Variants in KANSL3 observed in about 807,000 individuals in gnomAD.
KANSL3 encodes KAT8 regulatory NSL complex subunit 3.
Under a neutral mutation model 89.2 loss-of-function variants are expected in KANSL3, and 16 were observed. That is an observed-to-expected ratio of 0.18 (90% CI 0.12 to 0.27). KANSL3 has a LOEUF of 0.27. KANSL3 is among the 10% of genes least tolerant of loss of function. The pLI, the probability that KANSL3 is intolerant of heterozygous loss-of-function variation, is 1.00. For missense variants in KANSL3, 879 were observed against 1,110.6 expected (o/e 0.79, Z 2.96); for synonymous variants, 385 against 419.7 (o/e 0.92, Z 1.01).
chr2:96,617,794 G>A (rs1049483691), intron 5 of KANSL3, among the ~76,000 whole-genome samples: 1 of 151,700 alleles, frequency 6.6e-6, no homozygotes, highest in African/African-American at 2.4e-5. Flanking sequence ...TCAGGAGATC[G>A]AGACATGGTG....
At chr2:96,615,558 A>G (rs1197859401) in intron 5 of KANSL3, 1 of 1,269,470 alleles carries the variant, frequency 7.9e-7, no homozygotes, top group Admixed American at 2.3e-5. Flanking sequence ...GGGGAAAGGA[A>G]AAATGTTTAA....
In KANSL3 at chr2:96,635,664, G is replaced by A. The variant is rs577086879; in HGVS notation, c.215+1257C>T. ...CAAAATTATAAAGTCATTGGGAAAT[G>A]AAATAAAAGACACTATTCTGCACAT... On this transcript the variant is annotated intron_variant, in intron 2 of 20. Transcript: ENST00000431828. Among the ~76,000 whole-genome samples the A allele has an allele frequency of 2.0e-5, 3 of 152,308 alleles. No homozygotes were observed. In the East Asian group the frequency reaches 5.8e-4, roughly 29 times the overall value.
chr2:96,608,475 A>T lies in KANSL3; in HGVS notation c.1741+33T>A, dbSNP rs776819727. On this transcript the variant is annotated intron_variant, in intron 14 of 20. Coordinates refer to ENST00000431828, the MANE Select transcript of KANSL3 (RefSeq NM_001115016.3). Reference sequence around the variant, plus strand: ...ATGTGACATGAACTACAGAAGACAGACCCAAGAGGAGCCACTGGCCAAGTG... The same window carrying T: ...ATGTGACATGAACTACAGAAGACAGTCCCAAGAGGAGCCACTGGCCAAGTG... 4.7e-5 allele frequency: 76 copies of T among 1,611,820 alleles called. No homozygotes were observed. The Admixed American group carries it at 1.2e-3, about 26-fold the overall frequency.
chr2:96,607,365 G>A (rs1231209706), intron 14 of KANSL3, among the ~76,000 whole-genome samples: 6 of 152,122 alleles, frequency 3.9e-5, no homozygotes, highest in African/African-American at 1.2e-4. Context: ...TGCTAAGCCA[G>A]GGTTCTAAAG....
chr2:96,636,387 T>C (rs1054740891), intron 2 of KANSL3, among the ~76,000 whole-genome samples: 9 of 152,206 alleles, frequency 5.9e-5, no homozygotes, highest in Admixed American at 3.9e-4. Context: ...GAAAATATCA[T>C]TAGACATAAG....
At chr2:96,608,786 G>A in intron 13 of KANSL3, 78 bp downstream of exon 13, 2 of 1,521,804 alleles carry the variant, frequency 1.3e-6, no homozygotes, top group Non-Finnish European at 8.9e-7. Context: ...ATAAGACAGA[G>A]GCATCCCCAG....
chr2:96,632,965 CAA>C (rs1051564122), intron 2 of KANSL3, among the ~76,000 whole-genome samples: 22 of 51,568 alleles, frequency 4.3e-4, no homozygotes, highest in Admixed American at 1.3e-3. Flanking sequence ...GACTCCATCT[CAA>C]AAAAAAAAAA....
intron 14 of KANSL3, chr2:96,605,849 A>C: frequency 5.6e-6 from 1 of 179,312 alleles, no homozygotes; most frequent in Non-Finnish European, 1.2e-5. Context: ...GGCAACAACA[A>C]CAAAAATAGA....
At chr2:96,625,273 T>A (rs1261202622) in intron 3 of KANSL3, among the ~76,000 whole-genome samples, 1 of 152,114 alleles carries the variant, frequency 6.6e-6, no homozygotes, top group Non-Finnish European at 1.5e-5. Context: ...AAGTAATAGG[T>A]ATAAAGGACC....
chr2:96,582,213 G>C, the KANSL3 span, among the ~76,000 whole-genome samples: 1 of 151,982 alleles, frequency 6.6e-6, no homozygotes, highest in African/African-American at 2.4e-5. Context: ...AAATGGTAAG[G>C]CTGGTGAAAC....
At chr2:96,597,865 T>C (rs2104870907) in intron 20 of KANSL3, among the ~76,000 whole-genome samples, 1 of 152,304 alleles carries the variant, frequency 6.6e-6, no homozygotes, top group Middle Eastern at 3.4e-3. Flanking sequence ...TCTCTCAAAG[T>C]GCTGGGATTA....
chr2:96,628,020 T>C (rs2106061195), intron 3 of KANSL3: 1 of 1,290,344 alleles, frequency 7.7e-7, no homozygotes, highest in Non-Finnish European at 1.0e-6. Context: ...TGAGCTTTAA[T>C]GGATTACATC....
intron 1 of KANSL3, among the ~76,000 whole-genome samples, chr2:96,637,472 G>A (rs1233813597): frequency 6.6e-6 from 1 of 152,216 alleles, no homozygotes; most frequent in Non-Finnish European, 1.5e-5. Context: ...CGCGTGGACA[G>A]ACAGTAAACT....
At position 96,594,515 on chromosome 2, in the gene KANSL3, G is replaced by A. The variant is rs2066401758; in HGVS notation, c.*1096C>T. 6.6e-6 allele frequency: 1 copy of A among 152,158 alleles called. No homozygotes were observed. The highest frequency in any genetic ancestry group is 1.5e-5 in the Non-Finnish European group (1 of 68,040). 9.4% of individuals were successfully genotyped at this position (152,158 alleles called of 1,614,324 possible). A position where few individuals can be genotyped will look rare whatever the true frequency, so the allele number is the denominator to read the frequency against. ...TCAATCATCTTCCCACTTGTAAGCA[G>A]GAAGACAAAAAGTCTCATGAAATAG... On this transcript the variant is annotated 3_prime_UTR_variant, in exon 21 of 21. Transcript: ENST00000431828.
At chr2:96,583,555 T>G in the KANSL3 span, among the ~76,000 whole-genome samples, 2 of 152,246 alleles carry the variant, frequency 1.3e-5, no homozygotes, top group Non-Finnish European at 2.9e-5. Flanking sequence ...CCATTCAGCA[T>G]GCTATTGAGA....
chr2:96,634,566 C>A lies in KANSL3; in HGVS notation c.215+2355G>T, dbSNP rs535480921. Among the ~76,000 whole-genome samples the A allele has an allele frequency of 2.0e-5, 3 of 152,250 alleles. No individual in the cohort carries two copies. The East Asian group carries it at 5.8e-4, about 29-fold the overall frequency. On this transcript the variant is annotated intron_variant, in intron 2 of 20. Coordinates refer to ENST00000431828, the MANE Select transcript of KANSL3 (RefSeq NM_001115016.3). ...AATCCTAGTGCCCCAAGGGTCCTTC[C>A]CCACTTTATGATACATTGCACCAAC...
At chr2:96,599,813 C>G (rs979980804) in intron 20 of KANSL3, 3 of 186,816 alleles carry the variant, frequency 1.6e-5, no homozygotes, top group African/African-American at 7.1e-5. Context: ...TCATTTTTCA[C>G]CCAGATTAAT....
intron 5 of KANSL3, among the ~76,000 whole-genome samples, chr2:96,617,629 G>C (rs879398214): frequency 5.9e-5 from 9 of 151,676 alleles, no homozygotes; most frequent in Non-Finnish European, 1.3e-4. Context: ...GGGAGGACAA[G>C]ATGGGAGGAC....
intron 14 of KANSL3, among the ~76,000 whole-genome samples, chr2:96,607,324 C>T (rs1192558902): frequency 6.6e-6 from 1 of 152,170 alleles, no homozygotes; most frequent in African/African-American, 2.4e-5. Context: ...TATATGTTCG[C>T]TATTAGTATT....
Sources: allele counts gnomAD v4.1 joint callset (sites outside exome capture counted in the v4.1 genomes callset), GRCh38; gene constraint gnomAD v4.1.1; transcripts MANE v1.5; gene names NCBI Gene and HGNC (gene_info 2026-07-23, HGNC 2026-07-21).